Variants in CD99 observed in about 807,000 individuals in gnomAD.
CD99 encodes the protein CD99 molecule (Xg blood group).
Under a neutral mutation model 28.4 loss-of-function variants are expected in CD99, and 19 were observed. The observed-to-expected ratio is 0.67, with a 90% CI of 0.47 to 0.98. CD99 has a LOEUF of 0.98. Ranked by LOEUF, CD99 falls within the 50% of genes least tolerant of loss-of-function variation. The pLI, the probability that CD99 is intolerant of heterozygous loss-of-function variation, is 0.00. For synonymous variants in CD99, 103 were observed against 92.1 expected (o/e 1.12, Z -0.67); for missense variants, 283 against 248.8 (o/e 1.14, Z -0.92).
At chrX:2,697,091 G>A (rs1438642108) in intron 1 of CD99, among the ~76,000 whole-genome samples, 1 of 152,092 alleles carries the variant, frequency 6.6e-6, no homozygotes, top group African/African-American at 2.4e-5. Context: ...AATGCCCACA[G>A]GGTACATGGA....
At chrX:2,714,333 GA>G in intron 1 of CD99, 88 bp from the exon 2 acceptor site, 1 of 1,098,764 alleles carries the variant, frequency 9.1e-7, no homozygotes, top group Non-Finnish European at 1.3e-6. Flanking sequence ...ATCACAAAAA[GA>G]AAAATCGCAT....
At chrX:2,715,237 T>A (rs1225802919) in intron 2 of CD99, 2 of 152,036 alleles carry the variant, frequency 1.3e-5, no homozygotes, top group African/African-American at 4.8e-5. Flanking sequence ...TTGTCATCCC[T>A]TTGTATTTGT....
intron 8 of CD99, among the ~76,000 whole-genome samples, chrX:2,736,950 C>T (rs966104950): frequency 3.3e-5 from 5 of 151,588 alleles, no homozygotes; most frequent in East Asian, 1.9e-4. Context: ...GGAAGAAAAC[C>T]GGGTACACAA....
At chrX:2,725,494 A>G (rs1184967222) in intron 7 of CD99, among the ~76,000 whole-genome samples, 1 of 152,252 alleles carries the variant, frequency 6.6e-6, no homozygotes, top group Non-Finnish European at 1.5e-5. Context: ...AAAAAGGAGC[A>G]TTCTAACGAT....
intron 1 of CD99, among the ~76,000 whole-genome samples, chrX:2,709,339 C>T (rs2048275725): frequency 7.1e-6 from 1 of 141,664 alleles, no homozygotes; most frequent in African/African-American, 2.5e-5. Flanking sequence ...ACATGCACAC[C>T]CATATATGCA....
intron 1 of CD99, among the ~76,000 whole-genome samples, chrX:2,705,381 T>G (rs745968945): frequency 6.6e-6 from 1 of 152,364 alleles, no homozygotes; most frequent in South Asian, 2.1e-4. Context: ...TGAAACTATT[T>G]ATGACACTAT....
chrX:2,734,245 A>T, intron 8 of CD99, among the ~76,000 whole-genome samples: 16 of 127,036 alleles, frequency 1.3e-4, no homozygotes, highest in Admixed American at 2.3e-4. Context: ...TTTTCCTTCT[A>T]TTTATTTTAC....
intron 1 of CD99, 32 bp from the exon 2 acceptor site, chrX:2,714,390 G>T: frequency 6.6e-7 from 1 of 1,507,776 alleles, no homozygotes; most frequent in Non-Finnish European, 9.1e-7. Flanking sequence ...TATTTTTCTT[G>T]TTTCTAAGTT....
intron 8 of CD99, among the ~76,000 whole-genome samples, chrX:2,731,201 C>T (rs770358127): frequency 3.9e-5 from 6 of 152,210 alleles, no homozygotes; most frequent in Middle Eastern, 3.4e-3. Context: ...GTTCGATTTC[C>T]GGGATGGTGA....
At chrX:2,732,882 T>C (rs2049733763) in intron 8 of CD99, among the ~76,000 whole-genome samples, 1 of 140,196 alleles carries the variant, frequency 7.1e-6, no homozygotes, top group Non-Finnish European at 1.5e-5. Context: ...TCCTTCCTTC[T>C]TTCTTCTCTC....
chrX:2,723,273 C>A (rs1417985907), intron 6 of CD99, 41 bp from the exon 7 acceptor site: 1 of 1,610,944 alleles, frequency 6.2e-7, no homozygotes, highest in African/African-American at 1.3e-5. Flanking sequence ...TTTTCCTTGA[C>A]CCCAAACCTT....
At chrX:2,700,924 TCCATCCACCCAA>T (rs2047828906) in intron 1 of CD99, among the ~76,000 whole-genome samples, 1 of 127,906 alleles carries the variant, frequency 7.8e-6, no homozygotes, top group Non-Finnish European at 1.6e-5. Flanking sequence ...CACCCAACCA[TCCATCCACCCAA>T]CCATCCATCC....
At chrX:2,739,961 G>A (rs779902114) in intron 9 of CD99, among the ~76,000 whole-genome samples, 55 of 150,082 alleles carry the variant, frequency 3.7e-4, no homozygotes, top group African/African-American at 1.2e-3. Context: ...GCATCGTGGC[G>A]CATGCCTGTA....
intron 2 of CD99, chrX:2,715,053 A>T (rs1464386941): frequency 6.6e-6 from 1 of 152,332 alleles, no homozygotes; most frequent in Non-Finnish European, 1.5e-5. Context: ...AGAGAGGGGC[A>T]TCCAGTGCTG....
At chrX:2,699,106 T>C (rs1398237486) in intron 1 of CD99, among the ~76,000 whole-genome samples, 4 of 148,040 alleles carry the variant, frequency 2.7e-5, no homozygotes, top group African/African-American at 5.3e-5. Flanking sequence ...TTTTCTTTCT[T>C]TTTGTTTTTT....
chrX:2,709,763 C>T (rs2048314138), intron 1 of CD99, among the ~76,000 whole-genome samples: 1 of 123,300 alleles, frequency 8.1e-6, no homozygotes, highest in Non-Finnish European at 1.9e-5. Flanking sequence ...CACACGTATA[C>T]CCAGGCCCTG....
intron 8 of CD99, among the ~76,000 whole-genome samples, chrX:2,727,126 G>A (rs1400958733): frequency 1.3e-5 from 2 of 152,178 alleles, no homozygotes; most frequent in East Asian, 1.9e-4. Flanking sequence ...GACAGAGTGA[G>A]ACTCCGTCTC....
intron 8 of CD99, among the ~76,000 whole-genome samples, chrX:2,737,078 T>C (rs1434813431): frequency 6.6e-6 from 1 of 151,970 alleles, no homozygotes; most frequent in Non-Finnish European, 1.5e-5. Context: ...CAATTCAACC[T>C]GAGAAGGATG....
At chrX:2,692,012 A>T (rs2047331210) in intron 1 of CD99, 1 of 715,426 alleles carries the variant, frequency 1.4e-6, no homozygotes, top group Non-Finnish European at 2.6e-6. Context: ...GCTGTGCGCC[A>T]AGCAACACGG....
Sources: allele counts gnomAD v4.1 joint callset (sites outside exome capture counted in the v4.1 genomes callset), GRCh38; gene constraint gnomAD v4.1.1; transcripts MANE v1.5; gene names NCBI Gene and HGNC (gene_info 2026-07-23, HGNC 2026-07-21).